The following DIPK2A variants were observed in gnomAD, a reference collection of about 807,000 sequenced individuals.
DIPK2A encodes the protein Golgi Protein of 49 kDa.
A neutral mutation model predicts 39.0 loss-of-function variants in DIPK2A; 27 were observed. The observed-to-expected ratio is 0.69, with a 90% CI of 0.51 to 0.96. DIPK2A has a LOEUF of 0.96. Among genes scored for constraint, DIPK2A ranks in the 40% least tolerant of loss-of-function variants. The pLI, the probability that DIPK2A is intolerant of heterozygous loss-of-function variation, is 0.00. For synonymous variants in DIPK2A, 298 were observed against 240.8 expected, an observed-to-expected ratio of 1.24 and a Z score of -2.20; for missense variants, 528 against 571.3, an observed-to-expected ratio of 0.92 and a Z score of 0.77.
chr3:143,989,908 C>G lies in DIPK2A; in HGVS notation c.*67C>G, dbSNP rs796910331. 1 of 1,266,176 alleles carries G rather than the reference C, an allele frequency of 7.9e-7. No homozygotes were observed. Among genetic ancestry groups the G allele is most frequent in the Admixed American group, 2.4e-5 (1 of 42,260 alleles). The allele number at this position is 1,266,176 out of a possible 1,614,324, so 78.4% of individuals were successfully genotyped here. Reference sequence around the variant, plus strand: ...TGGCTAAAACTAAACCACCAAAAAACGATCTGAAAAAATGAAATTTGGAAG... The same window carrying G: ...TGGCTAAAACTAAACCACCAAAAAAGGATCTGAAAAAATGAAATTTGGAAG... On this transcript the variant is annotated 3_prime_UTR_variant, in exon 3 of 3. Transcript: ENST00000315691.
chr3:143,977,118 A>C (rs1210493898), intron 1 of DIPK2A, among the ~76,000 whole-genome samples: 1 of 152,088 alleles, frequency 6.6e-6, no homozygotes, highest in Non-Finnish European at 1.5e-5. Flanking sequence ...AGTAATTTAT[A>C]TAGGGAACAA....
chr3:143,987,816 TC>T (rs959009137), intron 2 of DIPK2A, among the ~76,000 whole-genome samples: 2 of 152,204 alleles, frequency 1.3e-5, no homozygotes, highest in African/African-American at 4.8e-5. Context: ...CTCTATTCAT[TC>T]CTTAGTCCAT....
intron 1 of DIPK2A, 48 bp from the exon 2 acceptor site, chr3:143,985,495 G>A (rs748684876): frequency 3.3e-6 from 5 of 1,497,790 alleles, no homozygotes; most frequent in Middle Eastern, 1.7e-4. Flanking sequence ...ATAGACCTAG[G>A]ATATTTTCAT....
chr3:143,991,644 A>G lies in DIPK2A; in HGVS notation c.*1803A>G, dbSNP rs2087990963. On this transcript the variant is annotated 3_prime_UTR_variant, in exon 3 of 3. Coordinates refer to ENST00000315691, the MANE Select transcript of DIPK2A (RefSeq NM_173552.5). ...TTTTACACATTAGTGCATTGCGTAT[A>G]TCAACTGGCCCTCAATGAAGCATTT... 6.6e-6 allele frequency: 1 copy of G among 152,656 alleles called. No homozygotes were observed. Among genetic ancestry groups the G allele is most frequent in the Non-Finnish European group, 1.5e-5 (1 of 68,020 alleles). 9.5% of individuals were successfully genotyped at this position (152,656 alleles called of 1,614,324 possible). A position where few individuals can be genotyped will look rare whatever the true frequency, so the allele number is the denominator to read the frequency against.
rs1160704820 is a variant in DIPK2A, at chr3:143,973,412, C to G, written c.657+423C>G. 6.6e-5 allele frequency: 102 copies of G among 1,550,132 alleles called. 1 individual carries two copies. In the South Asian group the frequency reaches 1.1e-3, roughly 17 times the overall value. On this transcript the variant is annotated intron_variant, in intron 1 of 2. Coordinates refer to ENST00000315691, the MANE Select transcript of DIPK2A (RefSeq NM_173552.5). ...CCTAGTTCTTCTGAAGTGTTCTACACCGCGTTCGCTCTTCCTTTTCTGGCG... is the reference window on the plus strand; with the variant it reads ...CCTAGTTCTTCTGAAGTGTTCTACAGCGCGTTCGCTCTTCCTTTTCTGGCG...
Position 143,989,943 on chromosome 3 carries a change from C to A in DIPK2A, c.*102C>A. On this transcript the variant is annotated 3_prime_UTR_variant, in exon 3 of 3. Coordinates refer to ENST00000315691, the MANE Select transcript of DIPK2A (RefSeq NM_173552.5). The stretch of plus-strand genomic sequence containing the variant: ...AAATGAAATTTGGAAGTGTTACATT[C>A]AGAGGATGATAAACTTGCACTGATA... 2 of 842,590 alleles carry A rather than the reference C, an allele frequency of 2.4e-6. No individual in the cohort carries two copies. Among genetic ancestry groups the A allele is most frequent in the Non-Finnish European group, 3.7e-6 (2 of 542,862 alleles). 52.2% of individuals were successfully genotyped at this position (842,590 alleles called of 1,614,324 possible).
chr3:143,978,627 T>TCTATATATATATCTATAG (rs1559854117), intron 1 of DIPK2A: 1 of 33,218 alleles, frequency 3.0e-5, no homozygotes, highest in Non-Finnish European at 4.9e-5. Flanking sequence ...TATATCTATA[T>TCTATATATATATCTATAG]ATATATATAT....
intron 1 of DIPK2A, among the ~76,000 whole-genome samples, chr3:143,973,899 C>T (rs1238203660): frequency 6.6e-6 from 1 of 152,124 alleles, no homozygotes; most frequent in African/African-American, 2.4e-5. Flanking sequence ...TGTTTACTTT[C>T]GGAGTATTTG....
intron 1 of DIPK2A, among the ~76,000 whole-genome samples, chr3:143,980,009 C>G (rs2087804650): frequency 6.6e-6 from 1 of 152,078 alleles, no homozygotes; most frequent in Non-Finnish European, 1.5e-5. Context: ...TGCTATTTAG[C>G]AGTATAAATT....
Position 143,972,776 on chromosome 3 carries a change from C to T in DIPK2A, c.444C>T (p.Arg148=), listed in dbSNP as rs368405616. 6.4e-7 allele frequency: 1 copy of T among 1,570,604 alleles called. No individual in the cohort carries two copies. Among genetic ancestry groups the T allele is most frequent in the Non-Finnish European group, 8.6e-7 (1 of 1,162,082 alleles). The change falls in exon 1 of 3, where the codon CGC becomes CGT. Residue 148 remains arginine (R), a synonymous_variant. Coordinates refer to ENST00000315691, the MANE Select transcript of DIPK2A (RefSeq NM_173552.5). ...LQAMPRTEFA[R]LNGDVRLLTP... is the part of the protein sequence containing the mutation. ...CCATGCCCCGGACCGAGTTCGCGCG[C>T]CTCAACGGCGACGTGCGTCTGCTCA... is the stretch of plus-strand genomic sequence containing the variant.
At chr3:143,985,276 T>C (rs937903109) in intron 1 of DIPK2A, among the ~76,000 whole-genome samples, 5 of 152,244 alleles carry the variant, frequency 3.3e-5, no homozygotes, top group African/African-American at 4.8e-5. Context: ...TTCCCTCTTA[T>C]TGATCATTTT....
chr3:143,974,371 A>G (rs1206335323), intron 1 of DIPK2A, among the ~76,000 whole-genome samples: 1 of 152,204 alleles, frequency 6.6e-6, no homozygotes, highest in Non-Finnish European at 1.5e-5. Context: ...TGTGTTTTAA[A>G]TACTGCTGTA....
intron 1 of DIPK2A, among the ~76,000 whole-genome samples, chr3:143,982,103 C>G (rs1341502034): frequency 4.6e-5 from 7 of 152,098 alleles, no homozygotes; most frequent in Non-Finnish European, 1.0e-4. Context: ...TTTTAAGTTT[C>G]TTGCATTTTT....
intron 1 of DIPK2A, among the ~76,000 whole-genome samples, chr3:143,979,046 T>G (rs1332463814): frequency 6.6e-6 from 1 of 152,178 alleles, no homozygotes; most frequent in Non-Finnish European, 1.5e-5. Context: ...GTATTATTTC[T>G]TTGAAAATCA....
At chr3:143,985,964 C>T (rs2107847092) in intron 2 of DIPK2A, 118 bp downstream of exon 2, 1 of 766,446 alleles carries the variant, frequency 1.3e-6, no homozygotes, top group South Asian at 1.9e-5. Context: ...AAGCGTCTTT[C>T]TTTGCTTTAT....
In DIPK2A at chr3:143,989,808, A is replaced by G. The variant is rs776475400; in HGVS notation, c.1260A>G (p.Glu420=). 4 of 1,614,044 alleles carry G rather than the reference A, an allele frequency of 2.5e-6. No homozygotes were observed. In the African/African-American group the frequency reaches 4.0e-5, roughly 16 times the overall value. Residue 420 remains glutamate, a synonymous_variant, in exon 3 of 3, where the codon GAA becomes GAG. Transcript: ENST00000315691. ...TCCAGGCTGCAAAAGAACTGCGTGA[A>G]TACCTAGCACAATTAAGTAACAACG... The part of the protein sequence containing the change: ...GRFQAAKELR[E]YLAQLSNNVR
intron 1 of DIPK2A, among the ~76,000 whole-genome samples, chr3:143,975,242 G>T (rs1433089435): frequency 6.6e-6 from 1 of 152,042 alleles, no homozygotes; most frequent in African/African-American, 2.4e-5. Context: ...TATAATTATA[G>T]CTGAGTACAT....
chr3:143,976,584 G>GAGAGAGAGAGAGAGAGAGAGAGAA lies in DIPK2A; in HGVS notation c.657+3596_657+3597insGAGAGAGAGAGAGAGAGAGAGAAA, dbSNP rs3083098. ...AGAGAGAGAGAGAGAGAGAGAGAGAGATGCTGTCTGGATTTGTTGAAGTTC... is the reference window on the plus strand; with the variant it reads ...AGAGAGAGAGAGAGAGAGAGAGAGAGAGAGAGAGAGAGAGAGAGAGAGAAATGCTGTCTGGATTTGTTGAAGTTC... On this transcript the variant is annotated intron_variant, in intron 1 of 2. Coordinates refer to ENST00000315691, the MANE Select transcript of DIPK2A (RefSeq NM_173552.5). Among the ~76,000 whole-genome samples the GAGAGAGAGAGAGAGAGAGAGAGAA allele has an allele frequency of 3.2e-3, 453 of 139,478 alleles. 5 individuals carry two copies. The highest frequency in any genetic ancestry group is 7.3e-3 in the Middle Eastern group (2 of 274). The allele number at this position is 139,478 out of a possible 152,430, so 91.5% of individuals were successfully genotyped here.
At chr3:143,978,616 C>CTATA (rs59804208) in intron 1 of DIPK2A, 3 of 126,124 alleles carry the variant, frequency 2.4e-5, no homozygotes, top group African/African-American at 8.6e-5. Flanking sequence ...ATATATATAT[C>CTATA]TATATCTATA....
Sources: gnomAD v4.1 joint callset for allele counts (sites outside exome capture counted in the v4.1 genomes callset) on GRCh38, gnomAD v4.1.1 for gene constraint, MANE v1.5 for transcripts, NCBI Gene and HGNC (gene_info 2026-07-23, HGNC 2026-07-21) for gene names.